The following CDK14 variants were observed in gnomAD, a reference collection of about 807,000 sequenced individuals.
CDK14 encodes cyclin dependent kinase 14.
CDK14 carries 34 observed loss-of-function variants against 60.7 expected under a neutral mutation model. The ratio of observed to expected loss-of-function variants is 0.56; its 90% CI spans 0.43 to 0.75. CDK14 has a LOEUF of 0.75. CDK14 is among the 30% of genes least tolerant of loss of function. The pLI is 0.00. For missense variants in CDK14, 482 were observed against 564.1 expected (o/e 0.85, Z 1.47); for synonymous variants, 197 against 203.7 (o/e 0.97, Z 0.28).
chr7:91,050,266 T>A (rs149228523), intron 11 of CDK14, among the ~76,000 whole-genome samples: 1 of 152,058 alleles, frequency 6.6e-6, no homozygotes, highest in Non-Finnish European at 1.5e-5. Context: ...TACTGAGAAT[T>A]GGGGGCCAGA....
chr7:91,090,803 G>A lies in CDK14; in HGVS notation c.1154+11323G>A, dbSNP rs553989178. ...TGTCTCTCTCTTGGGTATCCAGAAT[G>A]GAGTTTCAAAGCATGGCATTTCGGC... On this transcript the variant is annotated intron_variant, in intron 12 of 14. Coordinates refer to ENST00000380050, the MANE Select transcript of CDK14 (RefSeq NM_001287135.2). 1.4e-4 allele frequency among the ~76,000 whole-genome samples: 21 copies of A among 152,212 alleles called. No homozygotes were observed. The South Asian group carries it at 4.4e-3, about 32-fold the overall frequency.
chr7:90,778,066 A>C (rs565213907), intron 4 of CDK14, among the ~76,000 whole-genome samples: 1 of 152,298 alleles, frequency 6.6e-6, no homozygotes, highest in South Asian at 2.1e-4. Flanking sequence ...TGTCTCTTGC[A>C]GTCCCCCAAG....
rs539116583 is a variant in CDK14 at position 90,886,694 on chromosome 7, G to A, written c.640-12597G>A. ...AAAACATATTATGAGGAGCAATGGT[G>A]TTGGTCTTTGCTGCTTGAAGTTTCA... On this transcript the variant is annotated intron_variant, in intron 6 of 14. Coordinates refer to ENST00000380050, the MANE Select transcript of CDK14 (RefSeq NM_001287135.2). 7.9e-5 allele frequency among the ~76,000 whole-genome samples: 12 copies of A among 152,272 alleles called. No individual in the cohort carries two copies. The South Asian group carries it at 2.5e-3, about 32-fold the overall frequency.
At chr7:91,077,775 C>T (rs1584024481) in intron 11 of CDK14, among the ~76,000 whole-genome samples, 1 of 148,942 alleles carries the variant, frequency 6.7e-6, no homozygotes, top group Non-Finnish European at 1.5e-5. Flanking sequence ...CACACACACA[C>T]GGGCAAACTT....
chr7:91,079,273 T>C (rs1273703096), intron 11 of CDK14, among the ~76,000 whole-genome samples, 159 bp from the exon 12 acceptor site: 1 of 152,240 alleles, frequency 6.6e-6, no homozygotes, highest in African/African-American at 2.4e-5. Context: ...CTTCCTGTTT[T>C]ACTCTTTATA....
chr7:91,034,101 T>G (rs917221512), intron 10 of CDK14, among the ~76,000 whole-genome samples: 4 of 152,206 alleles, frequency 2.6e-5, no homozygotes, highest in Non-Finnish European at 4.4e-5. Context: ...GCCACCTGCT[T>G]GTTGTGTTCA....
chr7:90,828,994 A>T (rs995240407), intron 5 of CDK14, among the ~76,000 whole-genome samples: 1 of 152,166 alleles, frequency 6.6e-6, no homozygotes, highest in Non-Finnish European at 1.5e-5. Flanking sequence ...CAGGAAACTT[A>T]CAATTATGGC....
intron 8 of CDK14, among the ~76,000 whole-genome samples, chr7:90,942,865 A>AT (rs1793976415): frequency 6.6e-6 from 1 of 152,104 alleles, no homozygotes; most frequent in Admixed American, 6.5e-5. Flanking sequence ...CGTTAAGTTG[A>AT]TTTTTCCAAG....
Position 91,118,057 on chromosome 7 carries a change from G to T in CDK14, c.1295-8G>T, listed in dbSNP as rs545435895. On this transcript the variant is annotated splice_polypyrimidine_tract_variant and splice_region_variant and intron_variant, in intron 13 of 14. Transcript: ENST00000380050. ...TATATAAATGAAAACTTCATATTCTGTCCACAGTGTCTTCTATTTTTACTG... is the reference window on the plus strand; with the variant it reads ...TATATAAATGAAAACTTCATATTCTTTCCACAGTGTCTTCTATTTTTACTG... 3 of 1,505,422 alleles carry T rather than the reference G, an allele frequency of 2.0e-6. No homozygotes were observed. The highest frequency in any genetic ancestry group is 2.3e-5 in the East Asian group (1 of 44,274). 93.3% of individuals were successfully genotyped at this position (1,505,422 alleles called of 1,614,324 possible). A position where few individuals can be genotyped will look rare whatever the true frequency, so the allele number is the denominator to read the frequency against.
chr7:91,028,180 G>A (rs1796654480), intron 10 of CDK14, among the ~76,000 whole-genome samples: 1 of 151,160 alleles, frequency 6.6e-6, no homozygotes, highest in African/African-American at 2.4e-5. Context: ...CTGCTCTTAG[G>A]ATAATGGCCT....
At chr7:90,751,312 T>C (rs1372775852) in intron 4 of CDK14, among the ~76,000 whole-genome samples, 1 of 152,114 alleles carries the variant, frequency 6.6e-6, no homozygotes, top group Non-Finnish European at 1.5e-5. Context: ...ACCATTAAGC[T>C]AACAGCAGAT....
At chr7:90,673,799 T>G (rs1801146174) in intron 2 of CDK14, among the ~76,000 whole-genome samples, 1 of 152,240 alleles carries the variant, frequency 6.6e-6, no homozygotes, top group African/African-American at 2.4e-5. Flanking sequence ...TCATAGTTAC[T>G]GCTGATTGTA....
intron 14 of CDK14, among the ~76,000 whole-genome samples, chr7:91,123,574 C>T (rs1437522167): frequency 1.3e-5 from 2 of 152,196 alleles, no homozygotes; most frequent in Non-Finnish European, 2.9e-5. Flanking sequence ...GAGAAGAGGC[C>T]GGAATGCTAT....
At chr7:90,978,745 A>G (rs1194282625) in intron 9 of CDK14, among the ~76,000 whole-genome samples, 4 of 152,172 alleles carry the variant, frequency 2.6e-5, no homozygotes, top group South Asian at 2.1e-4. Context: ...AGATTAAAAT[A>G]TCTTCAATCA....
chr7:91,186,410 G>A (rs1014774390), intron 14 of CDK14, among the ~76,000 whole-genome samples: 1 of 149,892 alleles, frequency 6.7e-6, no homozygotes, highest in Admixed American at 6.7e-5. Flanking sequence ...ATTTGGGGCT[G>A]TTATGAATAA....
chr7:90,815,244 C>G (rs1043090851), intron 5 of CDK14, among the ~76,000 whole-genome samples: 1 of 152,060 alleles, frequency 6.6e-6, no homozygotes, highest in Non-Finnish European at 1.5e-5. Context: ...TGGAACTAAA[C>G]CAGAGTGCAG....
At chr7:90,775,146 A>G (rs1053788867) in intron 4 of CDK14, among the ~76,000 whole-genome samples, 4 of 152,190 alleles carry the variant, frequency 2.6e-5, no homozygotes, top group African/African-American at 9.6e-5. Context: ...AAACAGAAAC[A>G]GAATGCTTTA....
intron 14 of CDK14, among the ~76,000 whole-genome samples, chr7:91,118,995 G>A (rs1370216584): frequency 6.6e-6 from 1 of 151,988 alleles, no homozygotes; most frequent in Non-Finnish European, 1.5e-5. Flanking sequence ...TTGCCAGATG[G>A]AAATGCCTAG....
At chr7:91,168,523 C>T (rs1237311471) in intron 14 of CDK14, among the ~76,000 whole-genome samples, 2 of 152,108 alleles carry the variant, frequency 1.3e-5, no homozygotes, top group African/African-American at 2.4e-5. Flanking sequence ...ATGCTATTCA[C>T]CTTTTATCTA....
Sources: gnomAD v4.1 joint callset for allele counts (sites outside exome capture counted in the v4.1 genomes callset) on GRCh38, gnomAD v4.1.1 for gene constraint, MANE v1.5 for transcripts, NCBI Gene and HGNC (gene_info 2026-07-23, HGNC 2026-07-21) for gene names.